The following HSDL2 variants were observed in gnomAD, a reference collection of about 807,000 sequenced individuals.
HSDL2 encodes the protein hydroxysteroid dehydrogenase like 2, also known as hydroxysteroid dehydrogenase-like protein 2.
In HSDL2, 27 loss-of-function variants were observed where a neutral mutation model predicts 46.3. That is an observed-to-expected ratio of 0.58 (90% CI 0.43 to 0.80). HSDL2 has a LOEUF of 0.80. Among genes scored for constraint, HSDL2 ranks in the 30% least tolerant of loss-of-function variants. The pLI, the probability that HSDL2 is intolerant of heterozygous loss-of-function variation, is 0.00. For missense variants in HSDL2, 451 were observed against 502.7 expected, an observed-to-expected ratio of 0.90 and a Z score of 0.98; for synonymous variants, 153 against 163.6, an observed-to-expected ratio of 0.94 and a Z score of 0.50.
intron 7 of HSDL2, among the ~76,000 whole-genome samples, chr9:112,441,116 C>G (rs926837182): frequency 6.6e-6 from 1 of 152,152 alleles, no homozygotes; most frequent in African/African-American, 2.4e-5. Flanking sequence ...AGGAGGATCA[C>G]TTGAGCCCAG....
Position 112,438,405 on chromosome 9 carries a change from T to G in HSDL2, c.599-26T>G, listed in dbSNP as rs761076322. On this transcript the variant is annotated intron_variant, in intron 6 of 10. Transcript: ENST00000398805. ...ATTATTTGATTTGGAGTTATGAGTG[T>G]ATGTGTGTGTGTGTTTTCTCTACAG... 5 of 1,476,448 alleles carry G rather than the reference T, an allele frequency of 3.4e-6. No individual in the cohort carries two copies. In the African/African-American group the frequency reaches 5.7e-5, roughly 17 times the overall value. 91.5% of individuals were successfully genotyped at this position (1,476,448 alleles called of 1,614,324 possible).
chr9:112,463,779 G>C (rs1426908756), intron 10 of HSDL2, among the ~76,000 whole-genome samples: 3 of 151,974 alleles, frequency 2.0e-5, no homozygotes, highest in Non-Finnish European at 4.4e-5. Flanking sequence ...TCATGTCTCA[G>C]CCTCCCAAGA....
chr9:112,429,467 C>G (rs930811648), intron 6 of HSDL2, among the ~76,000 whole-genome samples: 1 of 152,100 alleles, frequency 6.6e-6, no homozygotes, highest in Non-Finnish European at 1.5e-5. Context: ...ACCTGTAGGT[C>G]TTTGGGATCC....
chr9:112,407,417 C>CT (rs149237565), intron 3 of HSDL2, among the ~76,000 whole-genome samples: 19,287 of 149,882 alleles, frequency 0.13, 1,670 homozygotes, highest in East Asian at 0.21. Flanking sequence ...AGTTTTAGTT[C>CT]TTTTTTTTTT....
At chr9:112,449,360 T>G (rs1371664376) in intron 8 of HSDL2, among the ~76,000 whole-genome samples, 3 of 152,170 alleles carry the variant, frequency 2.0e-5, no homozygotes, top group Non-Finnish European at 2.9e-5. Flanking sequence ...GTGCTAGGAT[T>G]ACCAGCATGA....
chr9:112,415,952 C>T (rs1419731534), intron 4 of HSDL2, among the ~76,000 whole-genome samples: 1 of 152,078 alleles, frequency 6.6e-6, no homozygotes, highest in Non-Finnish European at 1.5e-5. Flanking sequence ...ACTAAAAATA[C>T]AAAACATTAG....
chr9:112,457,637 C>G (rs942334915), intron 9 of HSDL2, among the ~76,000 whole-genome samples: 12 of 152,012 alleles, frequency 7.9e-5, no homozygotes, highest in Admixed American at 5.9e-4. Flanking sequence ...AGAGCAAGAC[C>G]CTGTCTTAAA....
At chr9:112,421,375 C>G (rs1832118962) in intron 6 of HSDL2, among the ~76,000 whole-genome samples, 1 of 152,072 alleles carries the variant, frequency 6.6e-6, no homozygotes, top group South Asian at 2.1e-4. Context: ...CTTGATTATA[C>G]TCACATTGGA....
chr9:112,465,419 A>C (rs1406798042), intron 10 of HSDL2, among the ~76,000 whole-genome samples: 1 of 152,162 alleles, frequency 6.6e-6, no homozygotes, highest in Admixed American at 6.5e-5. Flanking sequence ...GTGAGCCACC[A>C]GGCCCGGCCG....
In HSDL2 at chr9:112,380,127, C is replaced by A; in HGVS notation, c.-37C>A. The A allele has an allele frequency of 6.4e-7, 1 of 1,551,154 alleles. No homozygotes were observed. The highest frequency in any genetic ancestry group is 1.2e-5 in the South Asian group (1 of 85,008). ...AGCTTTAGCTCTCTGCTCGCCGCCG[C>A]CGCTGTCGCCGCCACCTCCTCTGAT... is the stretch of plus-strand genomic sequence containing the variant. On this transcript the variant is annotated 5_prime_UTR_variant, in exon 1 of 11. Coordinates refer to ENST00000398805, the MANE Select transcript of HSDL2 (RefSeq NM_032303.5).
intron 4 of HSDL2, among the ~76,000 whole-genome samples, chr9:112,410,251 T>C (rs1313171253): frequency 6.6e-6 from 1 of 152,224 alleles, no homozygotes; most frequent in East Asian, 1.9e-4. Flanking sequence ...GGTTCTATAT[T>C]TTCCATGTGG....
chr9:112,432,400 G>A (rs2132662872), intron 6 of HSDL2, among the ~76,000 whole-genome samples: 1 of 152,238 alleles, frequency 6.6e-6, no homozygotes, highest in South Asian at 2.1e-4. Context: ...GATAGGGACA[G>A]TGTTTGCTTT....
chr9:112,446,128 ATTCT>A (rs1832755185), intron 8 of HSDL2, among the ~76,000 whole-genome samples: 1 of 151,276 alleles, frequency 6.6e-6, no homozygotes. Flanking sequence ...TTTTCTGTTA[ATTCT>A]TCCTCATATT....
chr9:112,441,122 C>T (rs939597554), intron 7 of HSDL2, among the ~76,000 whole-genome samples: 6 of 152,050 alleles, frequency 3.9e-5, no homozygotes, highest in Non-Finnish European at 7.4e-5. Flanking sequence ...ATCACTTGAG[C>T]CCAGGAGGTG....
chr9:112,418,810 C>T (rs1832055115), intron 5 of HSDL2, 50 bp from the exon 6 acceptor site: 2 of 1,066,854 alleles, frequency 1.9e-6, no homozygotes, highest in African/African-American at 3.3e-5. Context: ...ACAAGTTAAT[C>T]AAATTAATTT....
intron 7 of HSDL2, among the ~76,000 whole-genome samples, chr9:112,440,765 T>C (rs905464882): frequency 3.3e-5 from 5 of 152,066 alleles, no homozygotes; most frequent in Admixed American, 1.3e-4. Context: ...TCCCAGCACA[T>C]TGGGAGGCTG....
At chr9:112,404,419 A>G (rs1262877530) in intron 2 of HSDL2, among the ~76,000 whole-genome samples, 1 of 152,128 alleles carries the variant, frequency 6.6e-6, no homozygotes, top group Non-Finnish European at 1.5e-5. Flanking sequence ...AATTTCACCC[A>G]GCTACTCGGG....
At chr9:112,428,485 C>G (rs573666713) in intron 6 of HSDL2, among the ~76,000 whole-genome samples, 1 of 152,174 alleles carries the variant, frequency 6.6e-6, no homozygotes, top group East Asian at 1.9e-4. Context: ...AACTATATGT[C>G]AAGACTCGTT....
chr9:112,415,788 C>T (rs554845997), intron 4 of HSDL2, among the ~76,000 whole-genome samples: 2 of 152,230 alleles, frequency 1.3e-5, no homozygotes, highest in Admixed American at 1.3e-4. Context: ...CAAAAGTACC[C>T]TATGAACAAA....
Sources: gnomAD v4.1 joint callset for allele counts (sites outside exome capture counted in the v4.1 genomes callset) on GRCh38, gnomAD v4.1.1 for gene constraint, MANE v1.5 for transcripts, NCBI Gene and HGNC (gene_info 2026-07-23, HGNC 2026-07-21) for gene names.